LCORL: variants seen among roughly 807,000 people sequenced by gnomAD.
The protein encoded by LCORL is ligand dependent nuclear receptor corepressor like.
Under a neutral mutation model 141.8 loss-of-function variants are expected in LCORL, and 41 were observed. The observed-to-expected ratio is 0.29, with a 90% CI of 0.23 to 0.38. The LOEUF is 0.38. Ranked by LOEUF, LCORL falls within the 10% of genes least tolerant of loss-of-function variation. LCORL has a pLI of 1.00. For missense variants in LCORL, 1,759 were observed against 2,035.0 expected, an observed-to-expected ratio of 0.86 and a Z score of 2.61; for synonymous variants, 618 against 694.1, an observed-to-expected ratio of 0.89 and a Z score of 1.72.
intron 7 of LCORL, among the ~76,000 whole-genome samples, chr4:17,855,143 C>T (rs1193618309): frequency 2.0e-5 from 3 of 152,000 alleles, no homozygotes; most frequent in Non-Finnish European, 2.9e-5. Flanking sequence ...AAATTATAGT[C>T]GGATTAAGGG....
intron 5 of LCORL, among the ~76,000 whole-genome samples, chr4:17,898,656 T>TTTTTTTG (rs1266646991): frequency 2.1e-5 from 3 of 141,682 alleles, no homozygotes; most frequent in African/African-American, 9.2e-5. Context: ...CTCACCGTTT[T>TTTTTTTG]TTTTTTTTTT....
intron 4 of LCORL, among the ~76,000 whole-genome samples, chr4:17,950,415 A>G (rs1401744066): frequency 6.6e-6 from 1 of 152,198 alleles, no homozygotes; most frequent in African/African-American, 2.4e-5. Context: ...CGCAGCCTAT[A>G]GACAAAGGAC....
intron 4 of LCORL, among the ~76,000 whole-genome samples, chr4:17,914,430 A>G (rs1359383866): frequency 6.6e-6 from 1 of 152,178 alleles, no homozygotes; most frequent in Non-Finnish European, 1.5e-5. Flanking sequence ...ATTTACAGCA[A>G]AGTTTAAAGC....
intron 1 of LCORL, among the ~76,000 whole-genome samples, chr4:17,987,771 A>C (rs1719248091): frequency 1.3e-5 from 2 of 152,206 alleles, no homozygotes; most frequent in Admixed American, 1.3e-4. Flanking sequence ...TTCATTGGCA[A>C]TTCATGTAAG....
exon 8 of LCORL, chr4:17,841,296 C>A (rs1337724485): frequency 1.3e-5 from 2 of 151,958 alleles, no homozygotes; most frequent in Admixed American, 1.3e-4. Flanking sequence ...ATAAGGAACA[C>A]TAATAATCCC....
chr4:17,930,349 C>T (rs990384024), intron 4 of LCORL, among the ~76,000 whole-genome samples: 5 of 152,266 alleles, frequency 3.3e-5, no homozygotes, highest in South Asian at 2.1e-4. Context: ...CACACAAACA[C>T]GAAGTAGAGT....
intron 5 of LCORL, among the ~76,000 whole-genome samples, chr4:17,903,857 A>T (rs948240483): frequency 2.0e-5 from 3 of 152,062 alleles, no homozygotes; most frequent in African/African-American, 7.2e-5. Context: ...GTAAACAGAC[A>T]TTTGAAGAAA....
chr4:18,001,088 T>C (rs1053922984), intron 1 of LCORL, among the ~76,000 whole-genome samples: 1 of 152,166 alleles, frequency 6.6e-6, no homozygotes, highest in Non-Finnish European at 1.5e-5. Context: ...GAAGGACTGA[T>C]TGAACCTAGG....
At chr4:17,998,993 TATATATATATACACAC>T (rs1182008292) in intron 1 of LCORL, among the ~76,000 whole-genome samples, 121 of 62,126 alleles carry the variant, frequency 1.9e-3, no homozygotes, top group African/African-American at 3.9e-3. Flanking sequence ...AAAATATATA[TATATATATATACACAC>T]ATATATATAT....
At chr4:17,954,794 C>A (rs1326525952) in intron 4 of LCORL, among the ~76,000 whole-genome samples, 6 of 152,180 alleles carry the variant, frequency 3.9e-5, no homozygotes, top group African/African-American at 1.4e-4. Flanking sequence ...CCTGGCCTTT[C>A]AGCTTGACCA....
rs200671711 is a variant in LCORL at position 17,842,113 on chromosome 4, AT to A, written c.*3774del. 1,107 of 518,106 alleles carry A rather than the reference AT, an allele frequency of 2.1e-3. 4 individuals carry two copies. Among genetic ancestry groups the A allele is most frequent in the African/African-American group, 0.02 (1,018 of 51,756 alleles). 32.1% of individuals were successfully genotyped at this position (518,106 alleles called of 1,614,324 possible). On this transcript the variant is annotated 3_prime_UTR_variant, in exon 8 of 8. Transcript: ENST00000635767. ...CTCATTATTAGTGCTTACAAAATAAATTAAGTTTTAATCTTGCTTGGGTTCC... is the reference window on the plus strand; with the variant it reads ...CTCATTATTAGTGCTTACAAAATAAATAAGTTTTAATCTTGCTTGGGTTCC...
Position 17,975,400 on chromosome 4 carries a change from T to C in LCORL, c.155-2515A>G, listed in dbSNP as rs369660574. Among the ~76,000 whole-genome samples, 8 of 151,976 alleles carry C rather than the reference T, an allele frequency of 5.3e-5. No individual in the cohort carries two copies. The East Asian group carries it at 9.7e-4, about 18-fold the overall frequency. On this transcript the variant is annotated intron_variant, in intron 1 of 7. Coordinates refer to ENST00000635767, the Ensembl canonical transcript of LCORL. ...AAATCTTTCTCTTTGCTGAATTCTT[T>C]TGTTTTTTTTTTTGAGACAGAGTCT...
intron 5 of LCORL, among the ~76,000 whole-genome samples, chr4:17,906,917 C>T (rs1731741497): frequency 6.6e-6 from 1 of 152,048 alleles, no homozygotes; most frequent in Non-Finnish European, 1.5e-5. Flanking sequence ...CTCTTGACCT[C>T]GTGATCCACC....
chr4:17,994,758 G>A (rs984174984), intron 1 of LCORL, among the ~76,000 whole-genome samples: 5 of 150,576 alleles, frequency 3.3e-5, no homozygotes, highest in African/African-American at 1.0e-4. Flanking sequence ...ACTCAAACTG[G>A]GAGAAGGGGA....
chr4:17,901,726 A>G (rs1730913399), intron 5 of LCORL, among the ~76,000 whole-genome samples: 1 of 152,136 alleles, frequency 6.6e-6, no homozygotes, highest in African/African-American at 2.4e-5. Flanking sequence ...ATAACTTCAA[A>G]GTAAGCAAAG....
intron 1 of LCORL, among the ~76,000 whole-genome samples, chr4:17,998,964 C>CAAAAA (rs775544332): frequency 2.9e-4 from 13 of 44,820 alleles, no homozygotes; most frequent in African/African-American, 9.8e-4. Flanking sequence ...GACCCTGTCT[C>CAAAAA]AAAAAAAAAA....
chr4:17,909,195 T>G, exon 5 of LCORL: 3 of 1,613,640 alleles, frequency 1.9e-6, no homozygotes, highest in Non-Finnish European at 2.5e-6. Context: ...TTGGATACTT[T>G]TACATACTAT....
At chr4:17,856,816 T>C (rs1724414084) in intron 7 of LCORL, among the ~76,000 whole-genome samples, 1 of 152,218 alleles carries the variant, frequency 6.6e-6, no homozygotes, top group African/African-American at 2.4e-5. Flanking sequence ...TCATAGGTTA[T>C]GCATTACTTA....
rs371443378 is a variant in LCORL at position 17,940,187 on chromosome 4, T to C, written c.430+21716A>G. On this transcript the variant is annotated intron_variant, in intron 4 of 7. Coordinates refer to ENST00000635767, the Ensembl canonical transcript of LCORL. ...ATGTATACATGTATATATATATATATACACACACACACATATACAGGTAGA... is the reference window on the plus strand; with the variant it reads ...ATGTATACATGTATATATATATATACACACACACACACATATACAGGTAGA... Among the ~76,000 whole-genome samples, 443 of 112,930 alleles carry C rather than the reference T, an allele frequency of 3.9e-3. 3 individuals carry two copies. The highest frequency in any genetic ancestry group is 0.032 in the Middle Eastern group (6 of 190). 74.1% of individuals were successfully genotyped at this position (112,930 alleles called of 152,430 possible).
Sources: gnomAD v4.1 joint callset for allele counts (sites outside exome capture counted in the v4.1 genomes callset) on GRCh38, gnomAD v4.1.1 for gene constraint, MANE v1.5 for transcripts, NCBI Gene and HGNC (gene_info 2026-07-23, HGNC 2026-07-21) for gene names.